Variants in VCAN observed in about 807,000 individuals in gnomAD.
The protein encoded by VCAN is versican core protein.
In VCAN, 44 loss-of-function variants were observed where a neutral mutation model predicts 245.5. That is an observed-to-expected ratio of 0.18 (90% CI 0.14 to 0.23). The LOEUF is 0.23. Among genes scored for constraint, VCAN ranks in the 10% least tolerant of loss-of-function variants. VCAN has a pLI of 1.00. For missense variants in VCAN, 3,793 were observed against 4,057.9 expected (o/e 0.93, Z 1.77); for synonymous variants, 1,413 against 1,437.0 (o/e 0.98, Z 0.38).
rs1215389937 is a variant in VCAN, at chr5:83,493,605, C to G, written c.505C>G (p.Gln169Glu). ...GTACACACTGAATTTTGAGGCTGCT[C>G]AGAAGGCTTGTTTGGACGTTGGGGC... Reference protein sequence around the residue: ...SRYTLNFEAAQKACLDVGAVI... With the variant: ...SRYTLNFEAAEKACLDVGAVI... The change falls in exon 4 of 15, where the codon CAG becomes GAG. Residue 169 changes from glutamine to glutamate, a missense_variant. By Grantham distance (29) the Gln-to-Glu change is conservative. This residue lies in a region of VCAN where 190 missense variants were observed against 288.6 expected (regional missense o/e 0.66). Transcript: ENST00000265077. The G allele has an allele frequency of 5.6e-6, 9 of 1,613,872 alleles. No homozygotes were observed. The highest frequency in any genetic ancestry group is 5.9e-6 in the Non-Finnish European group (7 of 1,180,028).
chr5:83,532,156 A>AC (rs1485747558), intron 7 of VCAN, among the ~76,000 whole-genome samples: 1 of 151,942 alleles, frequency 6.6e-6, no homozygotes, highest in Non-Finnish European at 1.5e-5. Context: ...GCACAGGTGT[A>AC]CCCCCCAACC....
At chr5:83,532,506 A>G (rs988661130) in intron 7 of VCAN, among the ~76,000 whole-genome samples, 3 of 152,110 alleles carry the variant, frequency 2.0e-5, no homozygotes, top group African/African-American at 7.2e-5. Flanking sequence ...ATGTCAGCAG[A>G]AAATTTTAAC....
chr5:83,565,339 G>A (rs1000866337), intron 12 of VCAN, among the ~76,000 whole-genome samples: 14 of 152,118 alleles, frequency 9.2e-5, no homozygotes, highest in African/African-American at 3.1e-4. Flanking sequence ...GCATTACCAA[G>A]TCTTAGGTCT....
Position 83,555,047 on chromosome 5 carries a change from C to A in VCAN, c.9735+9C>A, listed in dbSNP as rs1358127033. On this transcript the variant is annotated intron_variant, in intron 12 of 14. Transcript: ENST00000265077. ...CTGATGGCAGCACACTGGTAAGATG[C>A]CCTTGAAAATGATGTCAAGTTCTAC... The A allele has an allele frequency of 1.2e-6, 2 of 1,613,060 alleles. No individual in the cohort carries two copies. The highest frequency in any genetic ancestry group is 1.3e-5 in the African/African-American group (1 of 74,870).
rs775804259 is a variant in VCAN, at chr5:83,520,811, G to A, written c.2505G>A (p.Gly835=). 15 of 1,613,978 alleles carry A rather than the reference G, an allele frequency of 9.3e-6. No homozygotes were observed. The highest frequency in any genetic ancestry group is 1.2e-5 in the Non-Finnish European group (14 of 1,179,996). Residue 835 remains glycine, a synonymous_variant, in exon 7 of 15, where the codon GGG becomes GGA. Coordinates refer to ENST00000265077, the MANE Select transcript of VCAN (RefSeq NM_004385.5). Reference sequence around the variant, plus strand: ...CCCCTGCCTTACTCACAACTGTGGGGATGAATGGAAAGGATAAAGACATCC... The same window carrying A: ...CCCCTGCCTTACTCACAACTGTGGGAATGAATGGAAAGGATAAAGACATCC... ...KLPPALLTTV[G]MNGKDKDIPS...
chr5:83,559,915 A>AT (rs1170674151), intron 12 of VCAN, among the ~76,000 whole-genome samples: 6 of 151,934 alleles, frequency 3.9e-5, no homozygotes, highest in African/African-American at 1.2e-4. Context: ...TCTTTGTGAC[A>AT]TTTTTTGCCT....
intron 6 of VCAN, among the ~76,000 whole-genome samples, chr5:83,514,441 T>TGC (rs1471034088): frequency 1.3e-5 from 2 of 151,194 alleles, no homozygotes; most frequent in Non-Finnish European, 2.9e-5. Flanking sequence ...TGTGTGTGTG[T>TGC]GTGTGTGTGT....
chr5:83,506,607 C>G (rs570998903), intron 5 of VCAN, among the ~76,000 whole-genome samples: 1 of 152,266 alleles, frequency 6.6e-6, no homozygotes, highest in East Asian at 1.9e-4. Context: ...TCTTCTGAGC[C>G]CTCCAAACTC....
chr5:83,486,390 T>A (rs1188229321), intron 2 of VCAN, among the ~76,000 whole-genome samples: 1 of 152,072 alleles, frequency 6.6e-6, no homozygotes, highest in East Asian at 1.9e-4. Context: ...ACCTGGATAG[T>A]TTTTAGAGTC....
Position 83,519,899 on chromosome 5 carries a change from T to C in VCAN, c.1593T>C (p.Thr531=). ...VTARMILESK[T]EKKMVSTVSE... Reference sequence around the variant, plus strand: ...CAAGAATGATCCTGGAATCCAAAACTGAAAAGAAAATGGTAAGCACTGTTT... The same window carrying C: ...CAAGAATGATCCTGGAATCCAAAACCGAAAAGAAAATGGTAAGCACTGTTT... Residue 531 remains threonine, a synonymous_variant, in exon 7 of 15, where the codon ACT becomes ACC. Coordinates refer to ENST00000265077, the MANE Select transcript of VCAN (RefSeq NM_004385.5). The C allele has an allele frequency of 6.2e-7, 1 of 1,614,046 alleles. No individual in the cohort carries two copies. Among genetic ancestry groups the C allele is most frequent in the Non-Finnish European group, 8.5e-7 (1 of 1,179,944 alleles).
intron 13 of VCAN, among the ~76,000 whole-genome samples, chr5:83,578,630 G>A (rs996106425): frequency 6.6e-6 from 1 of 152,102 alleles, no homozygotes; most frequent in African/African-American, 2.4e-5. Context: ...TTTAATAATT[G>A]TAAACTTTTA....
At chr5:83,481,265 G>A (rs1309645277) in intron 1 of VCAN, among the ~76,000 whole-genome samples, 2 of 134,970 alleles carry the variant, frequency 1.5e-5, no homozygotes, top group Middle Eastern at 4.0e-3. Flanking sequence ...TTTTTTTTGA[G>A]ACGGAGTCTC....
Position 83,505,615 on chromosome 5 carries a change from G to T in VCAN, c.749-6488G>T, listed in dbSNP as rs183434758. ...AGTATTGAGTGTCTGCAGCTTTCCC[G>T]GGCACACAGTGCAAGCTGTCAGTGG... On this transcript the variant is annotated intron_variant, in intron 5 of 14. Transcript: ENST00000265077. Among the ~76,000 whole-genome samples the T allele has an allele frequency of 2.3e-3, 356 of 152,118 alleles. 1 individual carries two copies. The highest frequency in any genetic ancestry group is 8.3e-3 in the African/African-American group (344 of 41,506).
chr5:83,521,719 A>G lies in VCAN; in HGVS notation c.3413A>G (p.Gln1138Arg). The change falls in exon 7 of 15, where the codon CAA (glutamine) becomes CGA (arginine). Residue 1138 changes from glutamine to arginine, a missense_variant. By Grantham distance (43) the Gln-to-Arg change is conservative. Coordinates refer to ENST00000265077, the MANE Select transcript of VCAN (RefSeq NM_004385.5). ...PKVSLSPGPE[Q>R]KYETEGSSTT... is the part of the protein sequence containing the mutation. ...GTATCTTTAAGTCCAGGGCCTGAAC[A>G]AAAATATGAAACAGAAGGTAGTAGT... The G allele has an allele frequency of 6.2e-7, 1 of 1,614,148 alleles. No individual in the cohort carries two copies.
chr5:83,525,935 A>G (rs1401624226), intron 7 of VCAN, among the ~76,000 whole-genome samples: 1 of 151,980 alleles, frequency 6.6e-6, no homozygotes, highest in Non-Finnish European at 1.5e-5. Flanking sequence ...CATTGATTGC[A>G]GAGTCATCAC....
chr5:83,530,065 T>G (rs1746460335), intron 7 of VCAN, among the ~76,000 whole-genome samples: 2 of 152,170 alleles, frequency 1.3e-5, no homozygotes, highest in Non-Finnish European at 2.9e-5. Flanking sequence ...TGTGTTTTTT[T>G]GGGTGGTGCC....
At chr5:83,545,332 T>G (rs751823830) in intron 8 of VCAN, among the ~76,000 whole-genome samples, 1 of 152,066 alleles carries the variant, frequency 6.6e-6, no homozygotes, top group Non-Finnish European at 1.5e-5. Context: ...ATCCCAGAAA[T>G]GAATAGATGC....
intron 5 of VCAN, among the ~76,000 whole-genome samples, chr5:83,511,681 C>A (rs553933307): frequency 2.0e-5 from 3 of 151,596 alleles, no homozygotes; most frequent in Non-Finnish European, 4.4e-5. Context: ...GTGGAATAAC[C>A]GTGGTGGCAG....
In VCAN at chr5:83,518,262, A is replaced by T. The variant is rs140476974; in HGVS notation, c.1043-1087A>T. 2.2e-3 allele frequency among the ~76,000 whole-genome samples: 341 copies of T among 152,286 alleles called. 2 individuals carry two copies. The highest frequency in any genetic ancestry group is 7.8e-3 in the African/African-American group (325 of 41,566). ...TTTTTATTTTAAAAAAACAATCATTATATAGTAGGCTGCTGCCTTTTCCCT... is the reference window on the plus strand; with the variant it reads ...TTTTTATTTTAAAAAAACAATCATTTTATAGTAGGCTGCTGCCTTTTCCCT... On this transcript the variant is annotated intron_variant, in intron 6 of 14. Transcript: ENST00000265077.
Sources: allele counts gnomAD v4.1 joint callset (sites outside exome capture counted in the v4.1 genomes callset), GRCh38; gene constraint gnomAD v4.1.1; regional missense constraint gnomAD v4.1.1; transcripts MANE v1.5; gene names NCBI Gene and HGNC (gene_info 2026-07-23, HGNC 2026-07-21).